TEX30: variants seen among roughly 807,000 people sequenced by gnomAD.
TEX30 encodes the protein testis-expressed protein 30.
A neutral mutation model predicts 23.8 loss-of-function variants in TEX30; 14 were observed. That is an observed-to-expected ratio of 0.59 (90% CI 0.39 to 0.92). TEX30 has a LOEUF of 0.92. TEX30 is among the 40% of genes least tolerant of loss of function. The pLI is 0.00. For synonymous variants in TEX30, 78 were observed against 90.2 expected, an observed-to-expected ratio of 0.87 and a Z score of 0.76; for missense variants, 246 against 270.6, an observed-to-expected ratio of 0.91 and a Z score of 0.64.
At chr13:102,771,706 A>T (rs1877332683) in intron 1 of TEX30, among the ~76,000 whole-genome samples, 1 of 152,186 alleles carries the variant, frequency 6.6e-6, no homozygotes, top group Non-Finnish European at 1.5e-5. Flanking sequence ...CTCAGTTCAA[A>T]GATCCTCTGT....
chr13:102,770,056 CATTTA>C lies in TEX30; in HGVS notation c.-35_-31del. The C allele has an allele frequency of 7.4e-7, 1 of 1,353,916 alleles. No homozygotes were observed. Among genetic ancestry groups the C allele is most frequent in the Non-Finnish European group, 9.6e-7 (1 of 1,043,542 alleles). The allele number at this position is 1,353,916 out of a possible 1,614,324, so 83.9% of individuals were successfully genotyped here. A position where few individuals can be genotyped will look rare whatever the true frequency, so the allele number is the denominator to read the frequency against. On this transcript the variant is annotated 5_prime_UTR_variant, in exon 2 of 6. It removes an upstream start codon present in the reference 5' UTR. Coordinates refer to ENST00000376032, the MANE Select transcript of TEX30 (RefSeq NM_138779.5). Reference sequence around the variant, plus strand: ...ACTGTTGAATAACAAACTTAAAGTGCATTTACATCTGAGAAGCAAAGGACATCTCC... The same window carrying C: ...ACTGTTGAATAACAAACTTAAAGTGCCATCTGAGAAGCAAAGGACATCTCC...
chr13:102,769,950 C>T (rs917051640), intron 2 of TEX30, 62 bp downstream of exon 2: 93 of 1,335,062 alleles, frequency 7.0e-5, no homozygotes, highest in Non-Finnish European at 9.0e-5. Flanking sequence ...TCTGAAGCCA[C>T]ATAATTACAA....
chr13:102,771,422 A>C (rs1195542387), intron 1 of TEX30, among the ~76,000 whole-genome samples: 1 of 152,240 alleles, frequency 6.6e-6, no homozygotes, highest in Non-Finnish European at 1.5e-5. Flanking sequence ...TACATGGTAC[A>C]TTTTAAAAGA....
chr13:102,771,405 T>C (rs1877308638), intron 1 of TEX30, among the ~76,000 whole-genome samples: 1 of 152,222 alleles, frequency 6.6e-6, no homozygotes, highest in African/African-American at 2.4e-5. Flanking sequence ...TGAATAGGTA[T>C]CGTGTGTACA....
At chr13:102,769,845 T>A in intron 2 of TEX30, 167 bp downstream of exon 2, 1 of 565,872 alleles carries the variant, frequency 1.8e-6, no homozygotes, top group Non-Finnish European at 2.9e-6. Flanking sequence ...AGCCGCTAGC[T>A]AGGATTTAAA....
chr13:102,766,080 TCA>T lies in TEX30; in HGVS notation c.*319_*320del, dbSNP rs1385563694. ...AGATAACGCTGCTCTGCAAAATTTC[TCA>T]GTTGCCTATCAATAAGACAAAAGCA... On this transcript the variant is annotated 3_prime_UTR_variant, in exon 6 of 6. Coordinates refer to ENST00000376032, the MANE Select transcript of TEX30 (RefSeq NM_138779.5). 1.2e-5 allele frequency: 2 copies of T among 173,490 alleles called. No individual in the cohort carries two copies. The highest frequency in any genetic ancestry group is 2.4e-5 in the African/African-American group (1 of 42,062). 10.7% of individuals were successfully genotyped at this position (173,490 alleles called of 1,614,324 possible).
At chr13:102,772,854 C>CGTGCCA (rs1877420545) in intron 1 of TEX30, among the ~76,000 whole-genome samples, 2 of 152,336 alleles carry the variant, frequency 1.3e-5, no homozygotes, top group Non-Finnish European at 2.9e-5. Flanking sequence ...CGTGAGCCAC[C>CGTGCCA]GTGCCAGGCC....
intron 4 of TEX30, 46 bp downstream of exon 4, chr13:102,768,214 A>G (rs1877048826): frequency 6.9e-7 from 1 of 1,455,248 alleles, no homozygotes; most frequent in Non-Finnish European, 9.4e-7. Context: ...ACCTATTCCT[A>G]TATTAAAACA....
intron 1 of TEX30, among the ~76,000 whole-genome samples, chr13:102,771,407 G>GT (rs916159340): frequency 1.3e-5 from 2 of 152,112 alleles, no homozygotes; most frequent in Non-Finnish European, 2.9e-5. Flanking sequence ...AATAGGTATC[G>GT]TGTGTACATG....
intron 3 of TEX30, 45 bp from the exon 4 acceptor site, chr13:102,768,356 C>T (rs758223849): frequency 5.0e-6 from 7 of 1,403,426 alleles, no homozygotes; most frequent in Middle Eastern, 2.0e-4. Flanking sequence ...ATAAAATATT[C>T]CACTGGAAAG....
At chr13:102,773,246 GGA>G (rs1022148622) in intron 1 of TEX30, among the ~76,000 whole-genome samples, 34 of 152,212 alleles carry the variant, frequency 2.2e-4, no homozygotes, top group African/African-American at 7.2e-4. Context: ...CAGCAAACAT[GGA>G]GAGAAAATTC....
intron 4 of TEX30, 50 bp downstream of exon 4, chr13:102,768,210 T>C (rs1418404849): frequency 7.1e-7 from 1 of 1,416,320 alleles, no homozygotes; most frequent in African/African-American, 1.5e-5. Flanking sequence ...CATTACCTAT[T>C]CCTATATTAA....
At position 102,766,351 on chromosome 13, in the gene TEX30, C is replaced by T; in HGVS notation, c.*50G>A. 6.7e-7 allele frequency: 1 copy of T among 1,487,220 alleles called. No homozygotes were observed. The highest frequency in any genetic ancestry group is 9.2e-7 in the Non-Finnish European group (1 of 1,082,386). 92.1% of individuals were successfully genotyped at this position (1,487,220 alleles called of 1,614,324 possible). On this transcript the variant is annotated 3_prime_UTR_variant, in exon 6 of 6. Transcript: ENST00000376032. ...ATCTCACAATGCTGAGAGGCATACT[C>T]TTCTTTATCAAATTAACTGTATGTG...
At chr13:102,773,337 G>C (rs2274388) in intron 1 of TEX30, 1 of 152,130 alleles carries the variant, frequency 6.6e-6, no homozygotes, top group South Asian at 2.1e-4. Flanking sequence ...GCGCGCTGCC[G>C]GGGCTGCGCC....
intron 4 of TEX30, 100 bp downstream of exon 4, chr13:102,768,160 C>T (rs1877043832): frequency 2.9e-6 from 3 of 1,044,746 alleles, no homozygotes; most frequent in Non-Finnish European, 4.2e-6. Flanking sequence ...CAAAAAAAAT[C>T]CTTAAATTAG....
In TEX30 at chr13:102,767,493, A is replaced by G. The variant is rs1197360167; in HGVS notation, c.299-15T>C. The G allele has an allele frequency of 6.2e-7, 1 of 1,611,990 alleles. No individual in the cohort carries two copies. Among genetic ancestry groups the G allele is most frequent in the South Asian group, 1.1e-5 (1 of 90,978 alleles). ...CATTGAACGACCTAAAATCAATTAAAATTAAGTTCAGTTTGAAATATAAAC... is the reference window on the plus strand; with the variant it reads ...CATTGAACGACCTAAAATCAATTAAGATTAAGTTCAGTTTGAAATATAAAC... On this transcript the variant is annotated splice_polypyrimidine_tract_variant and intron_variant, in intron 4 of 5. Transcript: ENST00000376032.
At chr13:102,766,736 G>A (rs1369028159) in intron 5 of TEX30, among the ~76,000 whole-genome samples, 156 bp from the exon 6 acceptor site, 3 of 152,132 alleles carry the variant, frequency 2.0e-5, no homozygotes, top group Non-Finnish European at 4.4e-5. Flanking sequence ...GGAAATGTCC[G>A]TAAAAGTGGC....
intron 4 of TEX30, among the ~76,000 whole-genome samples, chr13:102,767,944 T>TA (rs988096692): frequency 6.6e-6 from 1 of 151,852 alleles, no homozygotes; most frequent in Non-Finnish European, 1.5e-5. Context: ...TCTTAAATGC[T>TA]AAAAAAATAA....
At position 102,766,049 on chromosome 13, in the gene TEX30, T is replaced by C. The variant is rs1876843949; in HGVS notation, c.*352A>G. ...CTAGATTAACCATAATGTTTTCCTTTTCTGAAGATAACGCTGCTCTGCAAA... is the reference window on the plus strand; with the variant it reads ...CTAGATTAACCATAATGTTTTCCTTCTCTGAAGATAACGCTGCTCTGCAAA... On this transcript the variant is annotated 3_prime_UTR_variant, in exon 6 of 6. Coordinates refer to ENST00000376032, the MANE Select transcript of TEX30 (RefSeq NM_138779.5). 1 of 161,680 alleles carries C rather than the reference T, an allele frequency of 6.2e-6. No homozygotes were observed. Among genetic ancestry groups the C allele is most frequent in the Admixed American group, 6.3e-5 (1 of 15,810 alleles). The allele number at this position is 161,680 out of a possible 1,614,324, so 10.0% of individuals were successfully genotyped here.
Sources: gnomAD v4.1 joint callset for allele counts (sites outside exome capture counted in the v4.1 genomes callset) on GRCh38, gnomAD v4.1.1 for gene constraint, MANE v1.5 for transcripts, NCBI Gene and HGNC (gene_info 2026-07-23, HGNC 2026-07-21) for gene names.